KIF3A: variants seen among roughly 807,000 people sequenced by gnomAD.
KIF3A encodes kinesin-like protein KIF3A.
In KIF3A, 27 loss-of-function variants were observed where a neutral mutation model predicts 92.6. That is an observed-to-expected ratio of 0.29 (90% CI 0.21 to 0.40). KIF3A has a LOEUF of 0.40. Among genes scored for constraint, KIF3A ranks in the 10% least tolerant of loss-of-function variants. KIF3A has a pLI of 1.00. For missense variants in KIF3A, 581 were observed against 872.6 expected, an observed-to-expected ratio of 0.67 and a Z score of 4.21; for synonymous variants, 250 against 275.4, an observed-to-expected ratio of 0.91 and a Z score of 0.92.
intron 2 of KIF3A, among the ~76,000 whole-genome samples, chr5:132,730,802 A>T (rs1754202826): frequency 6.6e-6 from 1 of 151,836 alleles, no homozygotes; most frequent in South Asian, 2.1e-4. Context: ...TCAAGAAAAA[A>T]ATAATAATAA....
At chr5:132,705,916 C>A (rs988363212) in intron 11 of KIF3A, among the ~76,000 whole-genome samples, 1 of 151,908 alleles carries the variant, frequency 6.6e-6, no homozygotes, top group African/African-American at 2.4e-5. Context: ...AAAAAGAAAT[C>A]TATTTCTAAC....
intron 1 of KIF3A, among the ~76,000 whole-genome samples, chr5:132,737,175 G>A (rs1388134370): frequency 6.6e-6 from 1 of 152,230 alleles, no homozygotes; most frequent in African/African-American, 2.4e-5. Context: ...CAGGCCCCAC[G>A]GGATGCAGCA....
chr5:132,725,940 AC>A (rs1356937365), intron 4 of KIF3A, among the ~76,000 whole-genome samples, 187 bp downstream of exon 4: 3 of 152,174 alleles, frequency 2.0e-5, no homozygotes, highest in African/African-American at 7.2e-5. Flanking sequence ...ATAATTTACC[AC>A]CTGACTCAGC....
Position 132,695,162 on chromosome 5 carries a change from CTTTATTTTTAT to C in KIF3A, c.*1461_*1471del, listed in dbSNP as rs1752790516. On this transcript the variant is annotated 3_prime_UTR_variant, in exon 19 of 19. Coordinates refer to ENST00000403231, the MANE Select transcript of KIF3A (RefSeq NM_001300791.2). ...ATTAAGTGGTTTAGGAGTAGCATAA[CTTTATTTTTAT>C]TTTATTTTTATTTTTTGAGGTGGAG... is the stretch of plus-strand genomic sequence containing the variant. The C allele has an allele frequency of 6.6e-6, 1 of 152,100 alleles. No individual in the cohort carries two copies. Among genetic ancestry groups the C allele is most frequent in the Non-Finnish European group, 1.5e-5 (1 of 68,006 alleles). 9.4% of individuals were successfully genotyped at this position (152,100 alleles called of 1,614,324 possible).
intron 4 of KIF3A, among the ~76,000 whole-genome samples, chr5:132,725,183 C>T (rs1753997185): frequency 6.6e-6 from 1 of 151,734 alleles, no homozygotes; most frequent in African/African-American, 2.4e-5. Context: ...CAGAATTAAT[C>T]AGAACTAAAG....
chr5:132,724,551 C>A (rs1287336539), intron 4 of KIF3A, among the ~76,000 whole-genome samples: 1 of 151,648 alleles, frequency 6.6e-6, no homozygotes, highest in Non-Finnish European at 1.5e-5. Flanking sequence ...GGACAAAAAA[C>A]CAAACACCAC....
intron 2 of KIF3A, among the ~76,000 whole-genome samples, chr5:132,733,585 C>T (rs1385799630): frequency 6.6e-6 from 1 of 152,162 alleles, no homozygotes; most frequent in Non-Finnish European, 1.5e-5. Context: ...CTGAGCAACA[C>T]AGCAAGACCC....
In KIF3A at chr5:132,716,800, G is replaced by A. The variant is rs371713313; in HGVS notation, c.756+45C>T. The A allele has an allele frequency of 1.6e-4, 258 of 1,575,492 alleles. 1 individual carries two copies. Among genetic ancestry groups the A allele is most frequent in the Middle Eastern group, 1.0e-3 (6 of 5,984 alleles). On this transcript the variant is annotated intron_variant, in intron 6 of 18. Transcript: ENST00000403231. ...TTTTCATTCATTTATAAAATAAATG[G>A]ATCACAAGAAAGAGTTATTCCTTAA...
intron 15 of KIF3A, among the ~76,000 whole-genome samples, chr5:132,701,518 A>T (rs1286020910): frequency 6.6e-6 from 1 of 151,806 alleles, no homozygotes; most frequent in African/African-American, 2.4e-5. Flanking sequence ...AAAAAAAAAA[A>T]AAAATCATGT....
chr5:132,699,343 A>G (rs757572184), intron 17 of KIF3A, 48 bp from the exon 18 acceptor site: 5 of 1,589,928 alleles, frequency 3.1e-6, no homozygotes, highest in East Asian at 2.2e-5. Flanking sequence ...AAAGAGTTAA[A>G]GCCAGATTTG....
Position 132,716,359 on chromosome 5 carries a change from A to C in KIF3A, c.840T>G (p.Leu280=), listed in dbSNP as rs759356671. ...CAACCAAGGCAGAAATTACATTACC[A>C]AGGGTGGAAAGTGAAAGATTGATTT... ...ATKINLSLST[L]GNVISALVDG... is the part of the protein sequence containing the mutation. Residue 280 remains leucine, a synonymous_variant, in exon 7 of 19, where the codon CTT becomes CTG. Coordinates refer to ENST00000403231, the MANE Select transcript of KIF3A (RefSeq NM_001300791.2). The C allele has an allele frequency of 1.9e-6, 3 of 1,614,014 alleles. No homozygotes were observed. The highest frequency in any genetic ancestry group is 2.5e-6 in the Non-Finnish European group (3 of 1,179,880).
chr5:132,704,221 T>C (rs1753137048), intron 11 of KIF3A, among the ~76,000 whole-genome samples: 1 of 151,864 alleles, frequency 6.6e-6, no homozygotes, highest in Admixed American at 6.6e-5. Context: ...AAGGAAAAAA[T>C]TCTATACTAT....
intron 7 of KIF3A, 129 bp downstream of exon 7, chr5:132,716,116 A>G (rs1470789380): frequency 4.5e-6 from 4 of 895,878 alleles, no homozygotes; most frequent in African/African-American, 1.7e-5. Context: ...AGTGTACCAC[A>G]AAAAGGACAA....
At chr5:132,689,457 C>G (rs1374424202), downstream of KIF3A, 2 of 152,150 alleles carry the variant, frequency 1.3e-5, no homozygotes, top group African/African-American at 2.4e-5. Flanking sequence ...AAAAATAAGA[C>G]TATAAGCAGG....
At chr5:132,710,716 T>C (rs934760004) in intron 9 of KIF3A, among the ~76,000 whole-genome samples, 1 of 152,210 alleles carries the variant, frequency 6.6e-6, no homozygotes, top group African/African-American at 2.4e-5. Flanking sequence ...TAAAATGGCA[T>C]ACCCAGTATT....
intron 8 of KIF3A, among the ~76,000 whole-genome samples, chr5:132,714,268 T>C (rs1407701350): frequency 1.3e-5 from 2 of 152,114 alleles, no homozygotes; most frequent in Non-Finnish European, 2.9e-5. Context: ...GGCCAGGAAC[T>C]AGGGGAAGGG....
intron 7 of KIF3A, 131 bp from the exon 8 acceptor site, chr5:132,716,062 A>C: frequency 1.2e-6 from 1 of 850,696 alleles, no homozygotes; most frequent in Non-Finnish European, 1.8e-6. Context: ...TGAGAGTGTC[A>C]ACCACATGAG....
intron 5 of KIF3A, among the ~76,000 whole-genome samples, chr5:132,720,091 T>C (rs1753774963): frequency 6.6e-6 from 1 of 151,316 alleles, no homozygotes; most frequent in African/African-American, 2.4e-5. Flanking sequence ...ATCCTCCCAG[T>C]TCAGCCTCCC....
At chr5:132,734,606 T>C in intron 1 of KIF3A, 128 bp from the exon 2 acceptor site, 2 of 701,112 alleles carry the variant, frequency 2.9e-6, no homozygotes, top group Non-Finnish European at 4.5e-6. Context: ...ACTTCACAGG[T>C]ATTTGTTAAA....
Sources: gnomAD v4.1 joint callset for allele counts (sites outside exome capture counted in the v4.1 genomes callset) on GRCh38, gnomAD v4.1.1 for gene constraint, MANE v1.5 for transcripts, NCBI Gene and HGNC (gene_info 2026-07-23, HGNC 2026-07-21) for gene names.